The following NCKAP5 variants were observed in gnomAD, a reference collection of about 807,000 sequenced individuals.
NCKAP5 encodes nck-associated protein 5.
In NCKAP5, 92 loss-of-function variants were observed where a neutral mutation model predicts 167.0. That is an observed-to-expected ratio of 0.55 (90% confidence interval 0.47 to 0.66). The LOEUF is 0.66. NCKAP5 is among the 30% of genes least tolerant of loss of function. The pLI, the probability that NCKAP5 is intolerant of heterozygous loss-of-function variation, is 0.00. For missense variants in NCKAP5, 2,378 were observed against 2,315.0 expected (o/e 1.03, Z -0.56); for synonymous variants, 891 against 877.4 (o/e 1.02, Z -0.27).
chr2:133,160,692 C>G (rs16857681), intron 5 of NCKAP5, among the ~76,000 whole-genome samples: 2,196 of 152,188 alleles, frequency 0.014, 60 homozygotes, highest in African/African-American at 0.05. Flanking sequence ...TGTGGACAGA[C>G]TGGCCCTTTT....
chr2:133,192,345 C>T (rs1011142638), intron 5 of NCKAP5, among the ~76,000 whole-genome samples: 33 of 152,166 alleles, frequency 2.2e-4, no homozygotes, highest in African/African-American at 7.9e-4. Flanking sequence ...GAGAACTAAA[C>T]CTACGCAAAT....
At chr2:132,696,962 A>G (rs78198716) in intron 19 of NCKAP5, among the ~76,000 whole-genome samples, 1,684 of 152,284 alleles carry the variant, frequency 0.011, 35 homozygotes, top group African/African-American at 0.038. Context: ...ATCACGGTTC[A>G]CTGCAGCCTG....
chr2:133,558,363 A>T (rs77447796), intron 2 of NCKAP5: 6,525 of 152,290 alleles, frequency 0.043, 484 homozygotes, highest in East Asian at 0.35. Flanking sequence ...GAATAAGAGC[A>T]AAAGGGAGGA....
At chr2:133,565,963 C>A (rs922921254) in intron 1 of NCKAP5, among the ~76,000 whole-genome samples, 9 of 152,160 alleles carry the variant, frequency 5.9e-5, no homozygotes, top group Non-Finnish European at 1.3e-4. Context: ...AGGTATTTAA[C>A]AACATGGCAA....
intron 11 of NCKAP5, among the ~76,000 whole-genome samples, chr2:132,847,332 C>T (rs996899748): frequency 2.0e-5 from 3 of 152,128 alleles, no homozygotes; most frequent in Admixed American, 6.5e-5. Context: ...AATATACACA[C>T]ACAACAACCA....
chr2:133,397,782 A>G (rs1274306762), intron 3 of NCKAP5, among the ~76,000 whole-genome samples: 1 of 152,150 alleles, frequency 6.6e-6, no homozygotes, highest in African/African-American at 2.4e-5. Flanking sequence ...CTGTATAAGG[A>G]GTGTTTTATC....
At chr2:133,461,917 T>G (rs1692223269) in intron 3 of NCKAP5, among the ~76,000 whole-genome samples, 2 of 152,354 alleles carry the variant, frequency 1.3e-5, no homozygotes, top group East Asian at 1.9e-4. Flanking sequence ...CTCTGCTATT[T>G]CTTCTGCTTT....
At chr2:133,106,379 C>A (rs965548498) in intron 6 of NCKAP5, among the ~76,000 whole-genome samples, 3 of 151,248 alleles carry the variant, frequency 2.0e-5, no homozygotes, top group Admixed American at 6.6e-5. Context: ...CCAGGGGATA[C>A]GTTTTAGTGG....
At chr2:133,388,894 A>G (rs1012596099) in intron 3 of NCKAP5, among the ~76,000 whole-genome samples, 5 of 152,184 alleles carry the variant, frequency 3.3e-5, no homozygotes, top group African/African-American at 1.2e-4. Context: ...AACACGCAGT[A>G]TTAGGGTGGG....
At chr2:133,193,010 A>T (rs75186901) in intron 5 of NCKAP5, among the ~76,000 whole-genome samples, 1,828 of 152,244 alleles carry the variant, frequency 0.012, 33 homozygotes, top group African/African-American at 0.042. Flanking sequence ...GTCTTTCAAT[A>T]AGTAAATGAT....
the NCKAP5 span, among the ~76,000 whole-genome samples, chr2:133,609,482 C>T: frequency 2.0e-5 from 3 of 152,134 alleles, no homozygotes; most frequent in Non-Finnish European, 4.4e-5. Context: ...TGCAAGCCAC[C>T]TTTATGAAGG....
intron 4 of NCKAP5, among the ~76,000 whole-genome samples, chr2:133,232,453 T>C (rs2087196571): frequency 6.6e-6 from 1 of 152,142 alleles, no homozygotes; most frequent in African/African-American, 2.4e-5. Flanking sequence ...AGTTAGGAAC[T>C]GAAATACATT....
chr2:132,825,717 T>A (rs1687078946), intron 11 of NCKAP5, among the ~76,000 whole-genome samples: 1 of 152,232 alleles, frequency 6.6e-6, no homozygotes, highest in Admixed American at 6.5e-5. Context: ...CTATCCCTGG[T>A]CTTACTGTGA....
chr2:133,606,785 T>C, the NCKAP5 span, among the ~76,000 whole-genome samples: 10 of 150,460 alleles, frequency 6.6e-5, no homozygotes, highest in African/African-American at 2.0e-4. Flanking sequence ...AGAGCTTTTC[T>C]ACATACTGAA....
chr2:133,277,291 A>G (rs546618665), intron 4 of NCKAP5, among the ~76,000 whole-genome samples: 1 of 152,340 alleles, frequency 6.6e-6, no homozygotes, highest in South Asian at 2.1e-4. Context: ...GAAAATTATG[A>G]TAAAAAATTA....
intron 3 of NCKAP5, among the ~76,000 whole-genome samples, chr2:133,412,722 T>G (rs1574909119): frequency 6.6e-6 from 1 of 152,362 alleles, no homozygotes; most frequent in South Asian, 2.1e-4. Flanking sequence ...ATTCTAAAAC[T>G]TTATTGGCAA....
At chr2:132,800,634 A>G (rs1478389733) in intron 11 of NCKAP5, among the ~76,000 whole-genome samples, 1 of 151,638 alleles carries the variant, frequency 6.6e-6, no homozygotes, top group African/African-American at 2.4e-5. Context: ...TCTTTTGTCC[A>G]TTTTTCCATG....
chr2:132,997,830 T>C (rs1393131388), intron 6 of NCKAP5, among the ~76,000 whole-genome samples: 1 of 151,442 alleles, frequency 6.6e-6, no homozygotes, highest in East Asian at 1.9e-4. Context: ...TGCAAAGAAG[T>C]CACAAATTCT....
intron 7 of NCKAP5, among the ~76,000 whole-genome samples, chr2:132,979,466 C>G (rs1279486372): frequency 6.6e-6 from 1 of 152,106 alleles, no homozygotes; most frequent in East Asian, 1.9e-4. Flanking sequence ...TGCCCCATGC[C>G]TACTTCCTCC....
Sources: gnomAD v4.1 joint callset for allele counts (sites outside exome capture counted in the v4.1 genomes callset) on GRCh38, gnomAD v4.1.1 for gene constraint, MANE v1.5 for transcripts, NCBI Gene and HGNC (gene_info 2026-07-23, HGNC 2026-07-21) for gene names.